CCNC: variants seen among roughly 807,000 people sequenced by gnomAD.
CCNC encodes cyclin-C.
In CCNC, 19 loss-of-function variants were observed where a neutral mutation model predicts 50.0. The observed-to-expected ratio is 0.38, with a 90% CI of 0.27 to 0.56. The LOEUF is 0.56. Among genes scored for constraint, CCNC ranks in the 20% least tolerant of loss-of-function variants. The pLI is 0.72. For missense variants in CCNC, 200 were observed against 327.1 expected (o/e 0.61, Z 3.00); for synonymous variants, 93 against 103.7 (o/e 0.90, Z 0.63).
chr6:99,561,742 G>A (rs867043854), intron 2 of CCNC, 61 bp from the exon 3 acceptor site: 8 of 1,012,298 alleles, frequency 7.9e-6, no homozygotes, highest in Middle Eastern at 2.5e-4. Flanking sequence ...TATTAACATT[G>A]AACAGTAACT....
intron 2 of CCNC, 38 bp from the exon 3 acceptor site, chr6:99,561,719 G>T: frequency 8.4e-7 from 1 of 1,192,380 alleles, no homozygotes; most frequent in Non-Finnish European, 1.2e-6. Context: ...TGTATCTTCT[G>T]GTATCATTAT....
Position 99,560,078 on chromosome 6 carries a change from A to G in CCNC, c.294+1289T>C, listed in dbSNP as rs115688244. On this transcript the variant is annotated intron_variant, in intron 4 of 11. Transcript: ENST00000520429. ...AAACTTTCATTCAGTAAATCACATC[A>G]CAGAGTTCTACTCAGTAAATCACAT... 4.2e-3 allele frequency among the ~76,000 whole-genome samples: 646 copies of G among 152,236 alleles called. 5 individuals carry two copies. Among genetic ancestry groups the G allele is most frequent in the African/African-American group, 0.015 (617 of 41,546 alleles).
intron 4 of CCNC, among the ~76,000 whole-genome samples, chr6:99,559,663 T>A (rs9389490): frequency 0.19 from 14,160 of 74,080 alleles, 767 homozygotes; most frequent in African/African-American, 0.4. Flanking sequence ...AAAAAAAAAA[T>A]AATAATAATG....
intron 4 of CCNC, 77 bp from the exon 5 acceptor site, chr6:99,558,625 T>C (rs528876606): frequency 1.5e-6 from 2 of 1,343,066 alleles, no homozygotes; most frequent in South Asian, 3.0e-5. Context: ...CAGGATTTCC[T>C]TGCTCCTGTT....
chr6:99,564,663 AAAATTTGTATAGTAT>A (rs1387850552), intron 1 of CCNC, among the ~76,000 whole-genome samples: 1 of 152,118 alleles, frequency 6.6e-6, no homozygotes, highest in Non-Finnish European at 1.5e-5. Flanking sequence ...CTTCTGATCT[AAAATTTGTATAGTAT>A]AAATAATAAA....
At chr6:99,558,368 T>A (rs486881) in intron 5 of CCNC, 129 bp downstream of exon 5, 2 of 1,409,576 alleles carry the variant, frequency 1.4e-6, no homozygotes, top group South Asian at 1.5e-5. Context: ...AGATATAAAG[T>A]TATCCTCAGG....
At position 99,561,350 on chromosome 6, in the gene CCNC, AG is replaced by A. The variant is rs767096752; in HGVS notation, c.294+16del. The A allele has an allele frequency of 3.6e-5, 56 of 1,554,966 alleles. No homozygotes were observed. In the South Asian group the frequency reaches 5.8e-4, roughly 16 times the overall value. On this transcript the variant is annotated intron_variant, in intron 4 of 11. Coordinates refer to ENST00000520429, the MANE Select transcript of CCNC (RefSeq NM_005190.4). ...CATTGACTACACTTTGATGAAGAAC[AG>A]AAAATTGTTTTATACCTCTACTTTG... is the stretch of plus-strand genomic sequence containing the variant.
chr6:99,544,121 T>C (rs997380681), intron 11 of CCNC: 2 of 1,448,098 alleles, frequency 1.4e-6, no homozygotes, highest in Admixed American at 2.4e-5. Context: ...TCCTGGAAAA[T>C]GCTGAATACT....
Position 99,568,478 on chromosome 6 carries a change from A to T in CCNC, c.32+18T>A. The T allele has an allele frequency of 6.2e-7, 1 of 1,611,136 alleles. No homozygotes were observed. The highest frequency in any genetic ancestry group is 8.5e-7 in the Non-Finnish European group (1 of 1,178,498). ...CCCCAAAAACCGGCCCCAGGTGAGA[A>T]GACGGAAGATCGCTTACTAGTGGGA... On this transcript the variant is annotated intron_variant, in intron 1 of 11. Coordinates refer to ENST00000520429, the MANE Select transcript of CCNC (RefSeq NM_005190.4).
In CCNC at chr6:99,562,931, T is replaced by C; in HGVS notation, c.50A>G (p.Asp17Gly). The C allele has an allele frequency of 6.2e-7, 1 of 1,603,524 alleles. No homozygotes were observed. Among genetic ancestry groups the C allele is most frequent in the Non-Finnish European group, 8.5e-7 (1 of 1,175,342 alleles). Residue 17 changes from aspartate (D) to glycine (G), a missense_variant, in exon 2 of 12, where the codon GAT becomes GGT. Transcript: ENST00000520429. The part of the protein sequence containing the change: ...QSSHYLQWIL[D>G]KQDLLKERQK... ...GCGCTCCTTCAACAGATCTTGTTTA[T>C]CCAAAATCCATTGCAAACTAGAAAA... is the stretch of plus-strand genomic sequence containing the variant.
At chr6:99,561,159 G>A (rs1802764342) in intron 4 of CCNC, among the ~76,000 whole-genome samples, 1 of 152,178 alleles carries the variant, frequency 6.6e-6, no homozygotes. Context: ...TTGTTACAAA[G>A]ATTAAGTCAG....
intron 4 of CCNC, among the ~76,000 whole-genome samples, chr6:99,558,880 C>G (rs1802657130): frequency 6.6e-6 from 1 of 152,108 alleles, no homozygotes; most frequent in Non-Finnish European, 1.5e-5. Context: ...TTAGGATTTT[C>G]AGATTACGGA....
chr6:99,548,084 C>T (rs1306791322), intron 9 of CCNC, among the ~76,000 whole-genome samples: 2 of 152,086 alleles, frequency 1.3e-5, no homozygotes, highest in Non-Finnish European at 2.9e-5. Flanking sequence ...GTCTGAGGTG[C>T]TGGTGGGATG....
At chr6:99,554,458 T>C (rs1802431968) in intron 5 of CCNC, among the ~76,000 whole-genome samples, 1 of 152,204 alleles carries the variant, frequency 6.6e-6, no homozygotes, top group Non-Finnish European at 1.5e-5. Context: ...ATATATTATT[T>C]GGAATTCTTC....
At chr6:99,547,927 T>G (rs1029457357) in intron 9 of CCNC, among the ~76,000 whole-genome samples, 2 of 152,110 alleles carry the variant, frequency 1.3e-5, no homozygotes, top group African/African-American at 4.8e-5. Context: ...GGTAAACAAC[T>G]ACATGTGGGT....
At chr6:99,558,834 A>G (rs985114645) in intron 4 of CCNC, among the ~76,000 whole-genome samples, 15 of 152,178 alleles carry the variant, frequency 9.9e-5, no homozygotes, top group Non-Finnish European at 1.9e-4. Flanking sequence ...TTTGAATGTC[A>G]TGTTGGCCCT....
At chr6:99,552,298 T>C (rs1474092704) in intron 5 of CCNC, among the ~76,000 whole-genome samples, 1 of 152,124 alleles carries the variant, frequency 6.6e-6, no homozygotes, top group African/African-American at 2.4e-5. Context: ...AATATACATA[T>C]AAAATATTGG....
chr6:99,561,720 G>T, intron 2 of CCNC, 39 bp from the exon 3 acceptor site: 1 of 1,188,322 alleles, frequency 8.4e-7, no homozygotes, highest in Non-Finnish European at 1.3e-6. Flanking sequence ...GTATCTTCTG[G>T]TATCATTATA....
intron 5 of CCNC, among the ~76,000 whole-genome samples, chr6:99,556,976 C>T (rs1802541552): frequency 6.6e-6 from 1 of 152,202 alleles, no homozygotes; most frequent in Non-Finnish European, 1.5e-5. Flanking sequence ...CTTCATTTAG[C>T]ATCGAAGGCC....
Sources: allele counts gnomAD v4.1 joint callset (sites outside exome capture counted in the v4.1 genomes callset), GRCh38; gene constraint gnomAD v4.1.1; transcripts MANE v1.5; gene names NCBI Gene and HGNC (gene_info 2026-07-23, HGNC 2026-07-21).